FBXW7: variants seen among roughly 807,000 people sequenced by gnomAD.
FBXW7 encodes the protein F-box and WD repeat domain containing 7, also known as F-box/WD repeat-containing protein 7.
FBXW7 carries 11 observed loss-of-function variants against 86.3 expected under a neutral mutation model. That is an observed-to-expected ratio of 0.13 (90% CI 0.08 to 0.21). The LOEUF is 0.21. Among genes scored for constraint, FBXW7 ranks in the 10% least tolerant of loss-of-function variants. The pLI is 1.00. For synonymous variants in FBXW7, 313 were observed against 297.9 expected (o/e 1.05, Z -0.52); for missense variants, 488 against 847.4 (o/e 0.58, Z 5.27).
At chr4:152,425,907 C>A (rs1739340222) in intron 2 of FBXW7, among the ~76,000 whole-genome samples, 1 of 152,144 alleles carries the variant, frequency 6.6e-6, no homozygotes, top group South Asian at 2.1e-4. Flanking sequence ...AGAAAATAAA[C>A]CCACCACACA....
chr4:152,518,217 G>A (rs1748686003), intron 2 of FBXW7, among the ~76,000 whole-genome samples: 4 of 151,916 alleles, frequency 2.6e-5, no homozygotes, highest in Admixed American at 2.6e-4. Context: ...TGGAACTCCT[G>A]GCCTCAAGTG....
At chr4:152,490,843 G>C (rs1046225715) in intron 2 of FBXW7, among the ~76,000 whole-genome samples, 1 of 151,984 alleles carries the variant, frequency 6.6e-6, no homozygotes, top group Non-Finnish European at 1.5e-5. Context: ...TTGGCAGTAA[G>C]ATATATCAAA....
chr4:152,438,056 C>T (rs1180418228), intron 2 of FBXW7, among the ~76,000 whole-genome samples: 3 of 152,026 alleles, frequency 2.0e-5, no homozygotes, highest in Middle Eastern at 3.4e-3. Flanking sequence ...TGCCTGTAAT[C>T]CCAGCTACTT....
At chr4:152,505,956 G>C (rs763906113) in intron 2 of FBXW7, among the ~76,000 whole-genome samples, 19 of 151,850 alleles carry the variant, frequency 1.3e-4, no homozygotes, top group Non-Finnish European at 2.8e-4. Context: ...GGCCAGGCTA[G>C]TCTCGAATTC....
At chr4:152,443,901 G>A (rs1741130564) in intron 2 of FBXW7, among the ~76,000 whole-genome samples, 1 of 152,060 alleles carries the variant, frequency 6.6e-6, no homozygotes, top group Non-Finnish European at 1.5e-5. Flanking sequence ...AGGTATAGTA[G>A]AAAATTTGAA....
intron 2 of FBXW7, among the ~76,000 whole-genome samples, chr4:152,497,793 G>C (rs75198849): frequency 0.031 from 4,662 of 152,088 alleles, 118 homozygotes; most frequent in African/African-American, 0.062. Context: ...TAAAATTACA[G>C]TAAGTACCTA....
At chr4:152,433,039 C>T (rs1247570818) in intron 2 of FBXW7, among the ~76,000 whole-genome samples, 4 of 152,018 alleles carry the variant, frequency 2.6e-5, no homozygotes, top group Admixed American at 1.3e-4. Context: ...TTTTGATATT[C>T]GTGTTGTCGC....
chr4:152,484,693 A>G (rs114795066), intron 2 of FBXW7, among the ~76,000 whole-genome samples: 2,081 of 152,242 alleles, frequency 0.014, 25 homozygotes, highest in Middle Eastern at 0.037. Flanking sequence ...TGGGTACGGT[A>G]GCTCATGCCT....
At chr4:152,492,387 T>C (rs909260990) in intron 2 of FBXW7, among the ~76,000 whole-genome samples, 1 of 152,226 alleles carries the variant, frequency 6.6e-6, no homozygotes, top group African/African-American at 2.4e-5. Flanking sequence ...TCATTCCTTT[T>C]CCGAAAACAC....
intron 2 of FBXW7, among the ~76,000 whole-genome samples, chr4:152,489,114 G>T (rs1248132879): frequency 6.6e-6 from 1 of 151,986 alleles, no homozygotes; most frequent in Non-Finnish European, 1.5e-5. Context: ...TAGAAACACA[G>T]ATGCATCAAA....
intron 12 of FBXW7, chr4:152,325,197 A>C (rs1032412015): frequency 1.3e-5 from 2 of 152,198 alleles, no homozygotes; most frequent in Non-Finnish European, 2.9e-5. Flanking sequence ...CTAATTTAGC[A>C]AACATTTTTA....
At chr4:152,509,618 A>T (rs769882091) in intron 2 of FBXW7, among the ~76,000 whole-genome samples, 4 of 152,354 alleles carry the variant, frequency 2.6e-5, no homozygotes, top group Non-Finnish European at 5.9e-5. Context: ...AGTCGATAAC[A>T]ATCATGAATA....
At chr4:152,525,248 A>G (rs1749403355) in intron 2 of FBXW7, among the ~76,000 whole-genome samples, 1 of 152,236 alleles carries the variant, frequency 6.6e-6, no homozygotes, top group Non-Finnish European at 1.5e-5. Context: ...ACCAAAATCT[A>G]AAGCAAACTT....
At chr4:152,394,051 G>C (rs982127700) in intron 4 of FBXW7, among the ~76,000 whole-genome samples, 3 of 152,068 alleles carry the variant, frequency 2.0e-5, no homozygotes, top group Non-Finnish European at 4.4e-5. Flanking sequence ...TCCTATGTCA[G>C]ATACAGCTAG....
At chr4:152,381,063 C>T (rs893576156) in intron 4 of FBXW7, among the ~76,000 whole-genome samples, 13 of 152,086 alleles carry the variant, frequency 8.5e-5, no homozygotes, top group Admixed American at 6.6e-4. Flanking sequence ...ATTCTGTTTT[C>T]GATGTTTAAA....
At chr4:152,343,583 C>T (rs1379681865) in intron 6 of FBXW7, among the ~76,000 whole-genome samples, 2 of 152,084 alleles carry the variant, frequency 1.3e-5, no homozygotes, top group Non-Finnish European at 2.9e-5. Context: ...CCTTCTATGT[C>T]ATTTGTGCTA....
chr4:152,372,495 T>C (rs1328569196), intron 4 of FBXW7, among the ~76,000 whole-genome samples: 1 of 152,020 alleles, frequency 6.6e-6, no homozygotes, highest in Non-Finnish European at 1.5e-5. Flanking sequence ...AATATTCAGA[T>C]AAATAATAAA....
intron 2 of FBXW7, among the ~76,000 whole-genome samples, chr4:152,525,019 A>C (rs1749380336): frequency 6.6e-6 from 1 of 152,226 alleles, no homozygotes; most frequent in Non-Finnish European, 1.5e-5. Flanking sequence ...GGAAGAAATC[A>C]AATAAACTAG....
At chr4:152,426,494 C>T (rs902433355) in intron 2 of FBXW7, among the ~76,000 whole-genome samples, 1 of 151,954 alleles carries the variant, frequency 6.6e-6, no homozygotes. Flanking sequence ...GGACTACAGG[C>T]GCACGTCACC....
Sources: allele counts gnomAD v4.1 joint callset (sites outside exome capture counted in the v4.1 genomes callset), GRCh38; gene constraint gnomAD v4.1.1; transcripts MANE v1.5; gene names NCBI Gene and HGNC (gene_info 2026-07-23, HGNC 2026-07-21).